The following SLC10A7 variants were observed in gnomAD, a reference collection of about 807,000 sequenced individuals.
SLC10A7 encodes the protein sodium/bile acid cotransporter 7.
SLC10A7 carries 29 observed loss-of-function variants against 43.2 expected under a neutral mutation model. That is an observed-to-expected ratio of 0.67 (90% CI 0.50 to 0.92). The LOEUF is 0.92. Ranked by LOEUF, SLC10A7 falls within the 40% of genes least tolerant of loss-of-function variation. The pLI, the probability that SLC10A7 is intolerant of heterozygous loss-of-function variation, is 0.00. For missense variants in SLC10A7, 295 were observed against 403.2 expected (o/e 0.73, Z 2.30); for synonymous variants, 152 against 144.8 (o/e 1.05, Z -0.35).
At chr4:146,374,318 G>A (rs898715674) in intron 5 of SLC10A7, among the ~76,000 whole-genome samples, 5 of 152,092 alleles carry the variant, frequency 3.3e-5, no homozygotes. Flanking sequence ...GCCAGGTGCG[G>A]TGGCTCATGT....
At chr4:146,355,681 C>G (rs1369358279) in intron 5 of SLC10A7, among the ~76,000 whole-genome samples, 1 of 151,826 alleles carries the variant, frequency 6.6e-6, no homozygotes, top group South Asian at 2.1e-4. Flanking sequence ...AAATGTGGCA[C>G]ATATACACCA....
intron 5 of SLC10A7, among the ~76,000 whole-genome samples, chr4:146,380,286 ACAT>A (rs1737519242): frequency 2.0e-5 from 3 of 152,212 alleles, no homozygotes; most frequent in Admixed American, 2.0e-4. Context: ...CAGAAAAGGC[ACAT>A]AGGTTGCCTA....
chr4:146,462,941 ATTC>A (rs1229598549), intron 4 of SLC10A7, among the ~76,000 whole-genome samples: 1 of 152,184 alleles, frequency 6.6e-6, no homozygotes, highest in Admixed American at 6.6e-5. Context: ...GTAAGTTCAG[ATTC>A]TTCAAGATCT....
intron 5 of SLC10A7, among the ~76,000 whole-genome samples, chr4:146,441,094 T>C (rs1457837500): frequency 6.6e-6 from 1 of 152,162 alleles, no homozygotes; most frequent in Non-Finnish European, 1.5e-5. Context: ...CATTCTTCAC[T>C]GACACTAGAA....
At chr4:146,306,851 C>G (rs895566734) in intron 6 of SLC10A7, among the ~76,000 whole-genome samples, 1 of 152,152 alleles carries the variant, frequency 6.6e-6, no homozygotes, top group Non-Finnish European at 1.5e-5. Context: ...GTTCATTTTG[C>G]AACCAGATCT....
At chr4:146,286,279 G>C (rs75095510) in intron 9 of SLC10A7, among the ~76,000 whole-genome samples, 1 of 60,952 alleles carries the variant, frequency 1.6e-5, no homozygotes. Context: ...ACCGTGTTTG[G>C]AGTGGTGAGA....
intron 9 of SLC10A7, among the ~76,000 whole-genome samples, chr4:146,291,945 G>A (rs1231565525): frequency 4.6e-5 from 7 of 152,174 alleles, no homozygotes; most frequent in African/African-American, 7.2e-5. Context: ...TATTTGTAAC[G>A]TATAATAAAG....
chr4:146,256,669 C>T lies in SLC10A7; in HGVS notation c.994-149G>A, dbSNP rs1050262319. The T allele has an allele frequency of 2.7e-5, 28 of 1,056,380 alleles. No individual in the cohort carries two copies. In the African/African-American group the frequency reaches 2.7e-4, roughly 10 times the overall value. 65.4% of individuals were successfully genotyped at this position (1,056,380 alleles called of 1,614,324 possible). The stretch of plus-strand genomic sequence containing the variant: ...AACCAATAATCCAAACCTCTGGATA[C>T]AAACAGATTTCCCTGCCCACCTCTC... On this transcript the variant is annotated intron_variant, in intron 11 of 11. Coordinates refer to ENST00000335472, the MANE Select transcript of SLC10A7 (RefSeq NM_001029998.6).
At chr4:146,312,311 A>G (rs1414002639) in intron 6 of SLC10A7, among the ~76,000 whole-genome samples, 1 of 152,132 alleles carries the variant, frequency 6.6e-6, no homozygotes, top group African/African-American at 2.4e-5. Flanking sequence ...ATAATTGACA[A>G]AGATTGTATC....
intron 4 of SLC10A7, among the ~76,000 whole-genome samples, chr4:146,451,039 A>G (rs947315611): frequency 1.3e-5 from 2 of 151,888 alleles, no homozygotes; most frequent in African/African-American, 4.8e-5. Context: ...AACCAGACAG[A>G]TTAAAGATCT....
chr4:146,455,991 C>A (rs1315256098), intron 4 of SLC10A7, among the ~76,000 whole-genome samples: 1 of 151,582 alleles, frequency 6.6e-6, no homozygotes, highest in Non-Finnish European at 1.5e-5. Context: ...GAGAGAACAC[C>A]AATTTGTAAT....
chr4:146,268,620 T>C (rs957204514), intron 10 of SLC10A7, among the ~76,000 whole-genome samples: 2 of 152,172 alleles, frequency 1.3e-5, no homozygotes, highest in East Asian at 1.9e-4. Context: ...GTTCTGAGAG[T>C]GTACAAGCAT....
chr4:146,428,760 T>C (rs909361195), intron 5 of SLC10A7, among the ~76,000 whole-genome samples: 1 of 152,124 alleles, frequency 6.6e-6, no homozygotes, highest in African/African-American at 2.4e-5. Flanking sequence ...AGATAAAAAA[T>C]AAACTTTAAT....
chr4:146,506,510 C>G (rs1049674240), intron 3 of SLC10A7, among the ~76,000 whole-genome samples: 1 of 152,106 alleles, frequency 6.6e-6, no homozygotes, highest in Non-Finnish European at 1.5e-5. Context: ...CTCCATGGCC[C>G]CAGAGACCAT....
At chr4:146,507,929 ATTGT>A (rs1737073240) in intron 3 of SLC10A7, among the ~76,000 whole-genome samples, 2 of 152,186 alleles carry the variant, frequency 1.3e-5, no homozygotes, top group African/African-American at 4.8e-5. Flanking sequence ...TGAAGTCAGA[ATTGT>A]TTGTTTTATT....
chr4:146,378,710 A>G (rs910991494), intron 5 of SLC10A7, among the ~76,000 whole-genome samples: 1 of 152,190 alleles, frequency 6.6e-6, no homozygotes, highest in African/African-American at 2.4e-5. Flanking sequence ...TAAGATAGAG[A>G]AAAAGGCCAA....
Position 146,256,565 on chromosome 4 carries a change from G to A in SLC10A7, c.994-45C>T, listed in dbSNP as rs756159818. 1.6e-5 allele frequency: 25 copies of A among 1,606,920 alleles called. 1 individual carries two copies. In the South Asian group the frequency reaches 2.6e-4, roughly 17 times the overall value. On this transcript the variant is annotated intron_variant, in intron 11 of 11. Coordinates refer to ENST00000335472, the MANE Select transcript of SLC10A7 (RefSeq NM_001029998.6). ...GTTCAGAGTTGGACAGTATCCATGA[G>A]GAAAGTGAAAGCATCAATTAACACC... is the stretch of plus-strand genomic sequence containing the variant.
intron 4 of SLC10A7, among the ~76,000 whole-genome samples, chr4:146,457,822 A>G (rs1388668475): frequency 6.6e-6 from 1 of 151,974 alleles, no homozygotes; most frequent in Non-Finnish European, 1.5e-5. Context: ...TACCTATCAA[A>G]GACATTAAAT....
chr4:146,410,540 G>GTAT (rs1051667665), intron 5 of SLC10A7, among the ~76,000 whole-genome samples: 54 of 152,116 alleles, frequency 3.5e-4, no homozygotes, highest in African/African-American at 1.3e-3. Flanking sequence ...CTAAGAATAG[G>GTAT]TATTATTATT....
Sources: gnomAD v4.1 joint callset for allele counts (sites outside exome capture counted in the v4.1 genomes callset) on GRCh38, gnomAD v4.1.1 for gene constraint, MANE v1.5 for transcripts, NCBI Gene and HGNC (gene_info 2026-07-23, HGNC 2026-07-21) for gene names.